The following NEK10 variants were observed in gnomAD, a reference collection of about 807,000 sequenced individuals.
NEK10 encodes the protein serine/threonine-protein kinase Nek10.
NEK10 carries 122 observed loss-of-function variants against 159.8 expected under a neutral mutation model. The ratio of observed to expected loss-of-function variants is 0.76; its 90% CI spans 0.66 to 0.89. The LOEUF is 0.89. Ranked by LOEUF, NEK10 falls within the 40% of genes least tolerant of loss-of-function variation. The probability of loss-of-function intolerance (pLI) is 0.00; values close to 1 mark genes in which losing one functional copy is unlikely to be tolerated. For missense variants in NEK10, 1,342 were observed against 1,323.1 expected, an observed-to-expected ratio of 1.01 and a Z score of -0.22; for synonymous variants, 466 against 457.1, an observed-to-expected ratio of 1.02 and a Z score of -0.25.
intron 26 of NEK10, among the ~76,000 whole-genome samples, chr3:27,186,381 G>A (rs553997244): frequency 6.6e-6 from 1 of 152,222 alleles, no homozygotes; most frequent in Non-Finnish European, 1.5e-5. Flanking sequence ...ATAGATGCAA[G>A]GGTAGCTTCT....
At chr3:27,125,330 G>C (rs1220852675) in intron 32 of NEK10, among the ~76,000 whole-genome samples, 6 of 151,974 alleles carry the variant, frequency 3.9e-5, no homozygotes, top group Non-Finnish European at 8.8e-5. Flanking sequence ...CCTCACTGTA[G>C]AACAATTACA....
At chr3:27,170,377 A>G (rs755203251) in intron 29 of NEK10, among the ~76,000 whole-genome samples, 3 of 152,028 alleles carry the variant, frequency 2.0e-5, no homozygotes, top group African/African-American at 7.2e-5. Flanking sequence ...AGCTGAATAT[A>G]CTCCACAAAT....
intron 26 of NEK10, among the ~76,000 whole-genome samples, chr3:27,186,925 T>C (rs1437925132): frequency 6.6e-6 from 1 of 152,086 alleles, no homozygotes; most frequent in Non-Finnish European, 1.5e-5. Flanking sequence ...AAGACAGCTC[T>C]GGGGCTGGCA....
Position 27,304,974 on chromosome 3 carries a change from G to C in NEK10, c.804-3C>G. ...GGCGCAGCAACTCCGCTGTTAGTCTGAAAGGGGTACAGAGGGTGGGGTGAG... is the reference window on the plus strand; with the variant it reads ...GGCGCAGCAACTCCGCTGTTAGTCTCAAAGGGGTACAGAGGGTGGGGTGAG... On this transcript the variant is annotated splice_polypyrimidine_tract_variant and splice_region_variant and intron_variant, in intron 11 of 35. Coordinates refer to ENST00000691995, the MANE Select transcript of NEK10 (RefSeq NM_001394966.1). 1 of 1,591,646 alleles carries C rather than the reference G, an allele frequency of 6.3e-7. No individual in the cohort carries two copies. Among genetic ancestry groups the C allele is most frequent in the South Asian group, 1.1e-5 (1 of 90,212 alleles).
intron 26 of NEK10, among the ~76,000 whole-genome samples, chr3:27,189,899 T>C (rs1300827422): frequency 1.3e-5 from 2 of 152,152 alleles, no homozygotes; most frequent in Non-Finnish European, 2.9e-5. Flanking sequence ...AAAACCTGAA[T>C]GCTCAATGAG....
At chr3:27,163,327 G>GT in intron 29 of NEK10, among the ~76,000 whole-genome samples, 1 of 151,034 alleles carries the variant, frequency 6.6e-6, no homozygotes, top group South Asian at 2.1e-4. Context: ...CTTCAGCCTT[G>GT]TTTTTTCCAC....
intron 25 of NEK10, among the ~76,000 whole-genome samples, chr3:27,197,586 T>C (rs980097552): frequency 2.0e-5 from 3 of 152,182 alleles, no homozygotes; most frequent in African/African-American, 4.8e-5. Flanking sequence ...TGTTGTTATA[T>C]AGAAATGCTA....
chr3:27,154,368 C>T (rs1224909089), intron 30 of NEK10, among the ~76,000 whole-genome samples: 3 of 152,112 alleles, frequency 2.0e-5, no homozygotes, highest in Non-Finnish European at 4.4e-5. Context: ...TTCTACCACA[C>T]ATTCAAAGAA....
intron 22 of NEK10, among the ~76,000 whole-genome samples, chr3:27,281,133 A>G (rs1354419872): frequency 6.6e-6 from 1 of 152,054 alleles, no homozygotes; most frequent in Non-Finnish European, 1.5e-5. Context: ...TGGAAAAGAA[A>G]GTTGAAGAAA....
chr3:27,178,215 C>G (rs1947721761), intron 26 of NEK10, among the ~76,000 whole-genome samples: 1 of 152,144 alleles, frequency 6.6e-6, no homozygotes, highest in Non-Finnish European at 1.5e-5. Context: ...GATCATAATA[C>G]ATTTTCAGTT....
At chr3:27,273,050 C>T (rs189995726) in intron 22 of NEK10, among the ~76,000 whole-genome samples, 3 of 152,236 alleles carry the variant, frequency 2.0e-5, no homozygotes, top group Admixed American at 6.5e-5. Flanking sequence ...TGAAGGAAGG[C>T]AGACATTATC....
chr3:27,134,588 T>G (rs1051933672), intron 31 of NEK10, among the ~76,000 whole-genome samples: 1 of 152,248 alleles, frequency 6.6e-6, no homozygotes, highest in Admixed American at 6.5e-5. Context: ...GCGATTTATT[T>G]AACTTGAGAA....
Position 27,304,880 on chromosome 3 carries a change from G to T in NEK10, c.895C>A (p.Leu299Met). The T allele has an allele frequency of 6.2e-7, 1 of 1,613,106 alleles. No homozygotes were observed. Among genetic ancestry groups the T allele is most frequent in the South Asian group, 1.1e-5 (1 of 91,056 alleles). ...AGCTTCAAGTGGTCAGAGTGGAGCA[G>T]ACTGAGGAGGACCGGTATCCCCTCA... ...LYEGIPVLLS[L>M]LHSDHLKLLW... is the part of the protein sequence containing the mutation. The change falls in exon 12 of 36, where the codon CTG becomes ATG. Residue 299 changes from leucine to methionine, a missense_variant. Leu to Met is a conservative substitution (Grantham distance 15). Transcript: ENST00000691995.
intron 30 of NEK10, among the ~76,000 whole-genome samples, chr3:27,156,937 T>C (rs1311660464): frequency 1.5e-4 from 6 of 41,062 alleles, no homozygotes; most frequent in South Asian, 1.6e-3. Flanking sequence ...CTGATATATA[T>C]ATATATATAT....
At position 27,155,440 on chromosome 3, in the gene NEK10, T is replaced by G. The variant is rs558256879; in HGVS notation, c.2869+7261A>C. 5.3e-5 allele frequency among the ~76,000 whole-genome samples: 8 copies of G among 151,698 alleles called. No homozygotes were observed. The South Asian group carries it at 1.7e-3, about 32-fold the overall frequency. On this transcript the variant is annotated intron_variant, in intron 30 of 35. Transcript: ENST00000691995. ...TCACTTGAACCCGGGAGGCGGAGGT[T>G]GCAGTGAGCCAAAATTGCGCCACTG...
At chr3:27,154,437 A>T (rs1945203729) in intron 30 of NEK10, among the ~76,000 whole-genome samples, 1 of 152,216 alleles carries the variant, frequency 6.6e-6, no homozygotes, top group Admixed American at 6.5e-5. Flanking sequence ...ACCCTCCCTA[A>T]TTCATTCTAT....
chr3:27,203,385 T>G (rs1229244158), intron 23 of NEK10, among the ~76,000 whole-genome samples: 1 of 152,236 alleles, frequency 6.6e-6, no homozygotes, highest in African/African-American at 2.4e-5. Flanking sequence ...TCTACCATGT[T>G]CACTGCTTCT....
At chr3:27,363,094 C>T (rs556319445) in intron 1 of NEK10, among the ~76,000 whole-genome samples, 1 of 152,272 alleles carries the variant, frequency 6.6e-6, no homozygotes, top group African/African-American at 2.4e-5. Context: ...ACACTTGGTC[C>T]TGAACTGCCA....
intron 23 of NEK10, among the ~76,000 whole-genome samples, chr3:27,216,974 A>T (rs1358467913): frequency 6.6e-6 from 1 of 152,248 alleles, no homozygotes; most frequent in Non-Finnish European, 1.5e-5. Context: ...CAAATAAAAT[A>T]TAAGCTTTGA....
Sources: gnomAD v4.1 joint callset for allele counts (sites outside exome capture counted in the v4.1 genomes callset) on GRCh38, gnomAD v4.1.1 for gene constraint, MANE v1.5 for transcripts, NCBI Gene and HGNC (gene_info 2026-07-23, HGNC 2026-07-21) for gene names.